MORC4: variants seen among roughly 807,000 people sequenced by gnomAD.
The protein encoded by MORC4 is MORC family CW-type zinc finger protein 4.
A neutral mutation model predicts 65.5 loss-of-function variants in MORC4; 22 were observed. The observed-to-expected ratio is 0.34, with a 90% CI of 0.24 to 0.48. The LOEUF (loss-of-function observed/expected upper bound fraction) is 0.48. Among genes scored for constraint, MORC4 ranks in the 20% least tolerant of loss-of-function variants. The probability of loss-of-function intolerance (pLI) is 0.99; values close to 1 mark genes in which losing one functional copy is unlikely to be tolerated. For synonymous variants in MORC4, 267 were observed against 255.8 expected (o/e 1.04, Z -0.42); for missense variants, 624 against 703.0 (o/e 0.89, Z 1.27).
chrX:106,969,520 A>C (rs1383327329), intron 9 of MORC4, among the ~76,000 whole-genome samples: 3 of 112,083 alleles, frequency 2.7e-5, no homozygotes, highest in Non-Finnish European at 5.6e-5. Flanking sequence ...CCCTTCAAAA[A>C]TTCAATGAAT....
Position 106,941,371 on chromosome X carries a change from TGAGAGAGAGAGAGAGAGA to T in MORC4, c.*90_*107del, listed in dbSNP as rs58310740. 7.8e-5 allele frequency: 31 copies of T among 395,841 alleles called. No homozygotes were observed. The Admixed American group carries it at 8.4e-4, about 11-fold the overall frequency. The allele number at this position is 395,841 out of a possible 1,213,427, so 32.6% of individuals were successfully genotyped here. ...TCTATATAAGGCATAAAGGTGAGGG[TGAGAGAGAGAGAGAGAGA>T]GAGAGAGAGAGAGAGAGAGAGACGT... is the stretch of plus-strand genomic sequence containing the variant. On this transcript the variant is annotated 3_prime_UTR_variant, in exon 17 of 17. Transcript: ENST00000355610.
At chrX:106,993,122 A>G (rs902163137) in intron 3 of MORC4, 108 bp downstream of exon 3, 26 of 821,223 alleles carry the variant, frequency 3.2e-5, no homozygotes, top group Non-Finnish European at 4.3e-5. Flanking sequence ...TGCTTAATAA[A>G]TATTTGTTGA....
Position 106,980,928 on chromosome X carries a change from G to A in MORC4, c.899C>T (p.Ala300Val), listed in dbSNP as rs1181985045. The change falls in exon 7 of 17, where the codon GCC (alanine) becomes GTC (valine). Residue 300 changes from alanine (A) to valine (V), a missense_variant. By Grantham distance (64) the Ala-to-Val change is moderately conservative. Coordinates refer to ENST00000355610, the MANE Select transcript of MORC4 (RefSeq NM_024657.5). ...TTTATATGTATCATATTCTACATTG[G>A]CCAGGCTCTTGGCAATCATCTGGGT... is the stretch of plus-strand genomic sequence containing the variant. Reference protein sequence around the residue: ...VTTQMIAKSLANVEYDTYKPT... With the variant: ...VTTQMIAKSLVNVEYDTYKPT... 12 of 1,205,694 alleles carry A rather than the reference G, an allele frequency of 1.0e-5. No individual in the cohort carries two copies. In the African/African-American group the frequency reaches 1.4e-4, roughly 14 times the overall value.
intron 10 of MORC4, among the ~76,000 whole-genome samples, chrX:106,961,398 A>C (rs966537497): frequency 8.9e-6 from 1 of 112,167 alleles, no homozygotes; most frequent in Non-Finnish European, 1.9e-5. Context: ...GTTAAAGCAG[A>C]ATGAAGAGGT....
At chrX:106,983,247 TA>T (rs1378029299) in intron 5 of MORC4, among the ~76,000 whole-genome samples, 2 of 112,276 alleles carry the variant, frequency 1.8e-5, no homozygotes, top group Non-Finnish European at 3.8e-5. Context: ...TTAAGATATG[TA>T]AATCACTGGA....
intron 9 of MORC4, among the ~76,000 whole-genome samples, chrX:106,974,260 A>T (rs1934579195): frequency 8.9e-6 from 1 of 111,834 alleles, no homozygotes; most frequent in South Asian, 3.8e-4. Context: ...CAGCAAAATC[A>T]AGTAGTTGTG....
At chrX:106,967,700 C>T (rs572833342) in intron 9 of MORC4, among the ~76,000 whole-genome samples, 4 of 111,028 alleles carry the variant, frequency 3.6e-5, no homozygotes, top group African/African-American at 1.3e-4. Context: ...TTTGATGAAG[C>T]GGAAGAAAGG....
At chrX:106,969,729 G>T (rs1343887784) in intron 9 of MORC4, among the ~76,000 whole-genome samples, 1 of 111,984 alleles carries the variant, frequency 8.9e-6, no homozygotes, top group Non-Finnish European at 1.9e-5. Flanking sequence ...AAATCTAGAA[G>T]AAATGGATAA....
intron 9 of MORC4, among the ~76,000 whole-genome samples, chrX:106,966,149 T>C: frequency 8.9e-6 from 1 of 112,083 alleles, no homozygotes; most frequent in Admixed American, 9.5e-5. Flanking sequence ...TCTCAGCCCA[T>C]CCAGATTGCA....
chrX:106,947,571 T>TATATATAATATATATATTA lies in MORC4; in HGVS notation c.1686-4367_1686-4366insTAATATATATATTATATAT, dbSNP rs1555982139. ...CCTGTAGTTAATCTATATATATATA[T>TATATATAATATATATATTA]TATATATATATATATATATAATATA... On this transcript the variant is annotated intron_variant, in intron 14 of 16. Coordinates refer to ENST00000355610, the MANE Select transcript of MORC4 (RefSeq NM_024657.5). Among the ~76,000 whole-genome samples, 3 of 77,943 alleles carry TATATATAATATATATATTA rather than the reference T, an allele frequency of 3.8e-5. No individual in the cohort carries two copies. The East Asian group carries it at 1.3e-3, about 33-fold the overall frequency. The allele number at this position is 77,943 out of a possible 115,157, so 67.7% of individuals were successfully genotyped here. A position where few individuals can be genotyped will look rare whatever the true frequency, so the allele number is the denominator to read the frequency against.
chrX:106,999,576 G>A, intron 2 of MORC4, 101 bp downstream of exon 2: 1 of 385,786 alleles, frequency 2.6e-6, no homozygotes, highest in Non-Finnish European at 3.9e-6. Context: ...CCCCAGCCCC[G>A]GCCCGCCCCG....
chrX:106,997,103 A>G (rs1935094882), intron 2 of MORC4, among the ~76,000 whole-genome samples: 1 of 112,203 alleles, frequency 8.9e-6, no homozygotes, highest in Non-Finnish European at 1.9e-5. Flanking sequence ...GCCTAAAGGT[A>G]AGGTCATCAC....
Position 106,986,531 on chromosome X carries a change from T to C in MORC4, c.309-331A>G, listed in dbSNP as rs72618347. ...GAAGGCCTTGGGCAGCTGCCTTTCT[T>C]GTCTAGATAAAACAGCTCTGATTGC... On this transcript the variant is annotated intron_variant, in intron 3 of 16. Transcript: ENST00000355610. Among the ~76,000 whole-genome samples the C allele has an allele frequency of 9.0e-5, 10 of 111,649 alleles. No individual in the cohort carries two copies. The East Asian group carries it at 2.5e-3, about 28-fold the overall frequency.
rs926136871 is a variant in MORC4 at position 106,981,130 on chromosome X, T to A, written c.808-111A>T. 5.2e-6 allele frequency: 5 copies of A among 970,243 alleles called. No individual in the cohort carries two copies. The African/African-American group carries it at 5.8e-5, about 11-fold the overall frequency. The allele number at this position is 970,243 out of a possible 1,213,427, so 80.0% of individuals were successfully genotyped here. Reference sequence around the variant, plus strand: ...TATCTATGCTGGGCAAAGATTTGGCTCAGTTTCTATACCTTATTACACTAT... The same window carrying A: ...TATCTATGCTGGGCAAAGATTTGGCACAGTTTCTATACCTTATTACACTAT... On this transcript the variant is annotated intron_variant, in intron 6 of 16. Transcript: ENST00000355610.
chrX:106,961,431 C>T (rs779735055), intron 10 of MORC4, among the ~76,000 whole-genome samples: 1 of 112,020 alleles, frequency 8.9e-6, no homozygotes, highest in Non-Finnish European at 1.9e-5. Flanking sequence ...GCAATTAGTA[C>T]CTGTGAGTTC....
chrX:106,975,072 A>G (rs1272722060), intron 9 of MORC4, among the ~76,000 whole-genome samples: 1 of 111,736 alleles, frequency 8.9e-6, no homozygotes. Flanking sequence ...TCACCTCATC[A>G]TACCAAAACT....
At chrX:106,954,070 C>T (rs6622124) in intron 14 of MORC4, among the ~76,000 whole-genome samples, 51,217 of 111,663 alleles carry the variant, frequency 0.46, 8,659 homozygotes, top group East Asian at 0.93. Flanking sequence ...TTGCAGTGAG[C>T]CAAGATCACG....
chrX:106,955,911 A>G (rs1474819118), intron 13 of MORC4, among the ~76,000 whole-genome samples: 2 of 111,525 alleles, frequency 1.8e-5, no homozygotes, highest in Non-Finnish European at 3.8e-5. Context: ...TACGGGTGCT[A>G]TGGTGGCTGT....
chrX:106,993,074 G>C, intron 3 of MORC4, among the ~76,000 whole-genome samples, 156 bp downstream of exon 3: 1 of 112,999 alleles, frequency 8.8e-6, no homozygotes, highest in Non-Finnish European at 1.9e-5. Flanking sequence ...GGAAGGAACA[G>C]TATTTGTTTC....
Sources: gnomAD v4.1 joint callset for allele counts (sites outside exome capture counted in the v4.1 genomes callset) on GRCh38, gnomAD v4.1.1 for gene constraint, MANE v1.5 for transcripts, NCBI Gene and HGNC (gene_info 2026-07-23, HGNC 2026-07-21) for gene names.